The following PCDH15 variants were observed in gnomAD, a reference collection of about 807,000 sequenced individuals.
PCDH15 encodes the protein protocadherin-15.
Under a neutral mutation model 178.5 loss-of-function variants are expected in PCDH15, and 129 were observed. The observed-to-expected ratio is 0.72, with a 90% confidence interval of 0.63 to 0.84. PCDH15 has a LOEUF of 0.84. PCDH15 is among the 40% of genes least tolerant of loss of function. The pLI, the probability that PCDH15 is intolerant of heterozygous loss-of-function variation, is 0.00. For missense variants in PCDH15, 2,230 were observed against 2,099.9 expected (o/e 1.06, Z -1.21); for synonymous variants, 800 against 732.0 (o/e 1.09, Z -1.50).
intron 9 of PCDH15, among the ~76,000 whole-genome samples, chr10:54,236,015 G>C (rs1564751541): frequency 6.6e-6 from 1 of 152,128 alleles, no homozygotes; most frequent in Non-Finnish European, 1.5e-5. Flanking sequence ...GTTGGTTGTT[G>C]TGTATTTGTA....
chr10:54,034,633 CTAAGATG>C (rs1331391413), intron 18 of PCDH15, among the ~76,000 whole-genome samples: 45 of 77,974 alleles, frequency 5.8e-4, no homozygotes, highest in African/African-American at 1.6e-3. Flanking sequence ...ATTCAAAGAG[CTAAGATG>C]TACACAATGT....
intron 3 of PCDH15, among the ~76,000 whole-genome samples, chr10:54,465,665 C>G (rs2077470280): frequency 6.6e-6 from 1 of 152,072 alleles, no homozygotes; most frequent in Non-Finnish European, 1.5e-5. Flanking sequence ...AAGTTGATTC[C>G]ATATCTCTGT....
intron 2 of PCDH15, among the ~76,000 whole-genome samples, chr10:54,971,120 C>A (rs1241496430): frequency 6.6e-6 from 1 of 152,016 alleles, no homozygotes; most frequent in East Asian, 1.9e-4. Flanking sequence ...GTATTTTGTA[C>A]ATTAGAAGGA....
intron 2 of PCDH15, among the ~76,000 whole-genome samples, chr10:55,008,331 A>G (rs1210234181): frequency 6.6e-6 from 1 of 152,104 alleles, no homozygotes; most frequent in African/African-American, 2.4e-5. Context: ...TAGTATCGGT[A>G]ATCACAGAGA....
intron 1 of PCDH15, among the ~76,000 whole-genome samples, chr10:55,267,889 A>G (rs932490936): frequency 6.6e-6 from 1 of 152,204 alleles, no homozygotes; most frequent in African/African-American, 2.4e-5. Flanking sequence ...TTGGTGTCCC[A>G]GACACAATTG....
At chr10:54,793,508 A>C (rs1329893704) in intron 1 of PCDH15, among the ~76,000 whole-genome samples, 1 of 151,744 alleles carries the variant, frequency 6.6e-6, no homozygotes, top group East Asian at 1.9e-4. Context: ...GATCTGTGGA[A>C]TGTCTCAAAA....
At chr10:54,376,961 T>C (rs1948541838) in intron 4 of PCDH15, among the ~76,000 whole-genome samples, 1 of 151,996 alleles carries the variant, frequency 6.6e-6, no homozygotes, top group African/African-American at 2.4e-5. Context: ...AAATAGGAGA[T>C]TCATTTTTTA....
intron 3 of PCDH15, among the ~76,000 whole-genome samples, chr10:54,852,706 A>G (rs995570956): frequency 2.6e-5 from 4 of 151,620 alleles, no homozygotes; most frequent in African/African-American, 9.7e-5. Context: ...CAAAAAAATT[A>G]GCAGGGTGTG....
At chr10:54,049,686 C>G (rs2093727655) in intron 18 of PCDH15, among the ~76,000 whole-genome samples, 1 of 151,340 alleles carries the variant, frequency 6.6e-6, no homozygotes, top group East Asian at 2.0e-4. Flanking sequence ...AATGGCGCAA[C>G]CTTGGCTCAC....
At chr10:55,609,004 TTA>T (rs35075380) in intron 2 of PCDH15, among the ~76,000 whole-genome samples, 32,406 of 147,672 alleles carry the variant, frequency 0.22, 3,628 homozygotes, top group African/African-American at 0.28. Context: ...TACATATATG[TTA>T]TATATATATA....
At position 54,355,232 on chromosome 10, in the gene PCDH15, A is replaced by G. The variant is rs116276843; in HGVS notation, c.475-8748T>C. 5.0e-3 allele frequency among the ~76,000 whole-genome samples: 759 copies of G among 151,310 alleles called. 4 individuals carry two copies. The highest frequency in any genetic ancestry group is 0.017 in the African/African-American group (710 of 41,246). On this transcript the variant is annotated intron_variant, in intron 5 of 37. Transcript: ENST00000644397. Reference sequence around the variant, plus strand: ...TTATATCATTATTTATTTTGTTATCATACTTATTTTATGGTTACAAAATTA... The same window carrying G: ...TTATATCATTATTTATTTTGTTATCGTACTTATTTTATGGTTACAAAATTA...
At chr10:55,360,592 T>A (rs538864005) in intron 2 of PCDH15, among the ~76,000 whole-genome samples, 44 of 151,952 alleles carry the variant, frequency 2.9e-4, no homozygotes, top group Non-Finnish European at 5.2e-4. Context: ...AAATGGATAA[T>A]ACACATATAT....
intron 2 of PCDH15, among the ~76,000 whole-genome samples, chr10:55,107,406 G>T (rs1837377134): frequency 6.7e-6 from 1 of 150,120 alleles, no homozygotes; most frequent in South Asian, 2.1e-4. Context: ...CAACATTTAA[G>T]CAATACCAGA....
chr10:54,250,324 C>T (rs184665022), intron 8 of PCDH15, among the ~76,000 whole-genome samples: 3,093 of 145,176 alleles, frequency 0.021, 52 homozygotes, highest in South Asian at 0.072. Flanking sequence ...AACCAGTTGC[C>T]CAGGCTAGAG....
intron 2 of PCDH15, among the ~76,000 whole-genome samples, chr10:54,651,426 G>T (rs1017116986): frequency 2.6e-5 from 4 of 152,096 alleles, no homozygotes; most frequent in African/African-American, 9.7e-5. Flanking sequence ...ACTGTTTTAG[G>T]AAATAGAGAT....
At chr10:55,036,185 C>T (rs935139754) in intron 2 of PCDH15, among the ~76,000 whole-genome samples, 1 of 152,066 alleles carries the variant, frequency 6.6e-6, no homozygotes, top group African/African-American at 2.4e-5. Context: ...TTCCTTTCCG[C>T]CATGAGATGA....
intron 1 of PCDH15, among the ~76,000 whole-genome samples, chr10:55,189,254 C>G (rs1201240833): frequency 6.6e-6 from 1 of 151,846 alleles, no homozygotes; most frequent in Non-Finnish European, 1.5e-5. Flanking sequence ...CATTCATTTG[C>G]CTAGACTGTG....
At chr10:53,931,546 T>G (rs1347288449) in intron 25 of PCDH15, among the ~76,000 whole-genome samples, 1 of 152,160 alleles carries the variant, frequency 6.6e-6, no homozygotes, top group Non-Finnish European at 1.5e-5. Flanking sequence ...TTTAACAATA[T>G]CCACTAAATT....
intron 2 of PCDH15, among the ~76,000 whole-genome samples, chr10:55,427,483 C>T (rs1468412436): frequency 6.6e-6 from 1 of 152,098 alleles, no homozygotes; most frequent in Non-Finnish European, 1.5e-5. Flanking sequence ...GGCTAATAGC[C>T]TAGTTGAAGA....
Sources: allele counts gnomAD v4.1 joint callset (sites outside exome capture counted in the v4.1 genomes callset), GRCh38; gene constraint gnomAD v4.1.1; transcripts MANE v1.5; gene names NCBI Gene and HGNC (gene_info 2026-07-23, HGNC 2026-07-21).